Variants in ANO1 observed in about 807,000 individuals in gnomAD.
ANO1 encodes anoctamin-1.
In ANO1, 59 loss-of-function variants were observed where a neutral mutation model predicts 124.0. The observed-to-expected ratio is 0.48, with a 90% CI of 0.39 to 0.59. ANO1 has a LOEUF of 0.59. Ranked by LOEUF, ANO1 falls within the 20% of genes least tolerant of loss-of-function variation. ANO1 has a pLI of 0.00. For missense variants in ANO1, 1,059 were observed against 1,328.0 expected (o/e 0.80, Z 3.15); for synonymous variants, 529 against 532.0 (o/e 0.99, Z 0.08).
chr11:70,113,843 A>G (rs1230235885), intron 7 of ANO1, among the ~76,000 whole-genome samples: 1 of 152,130 alleles, frequency 6.6e-6, no homozygotes, highest in Non-Finnish European at 1.5e-5. Context: ...AGAAAGGCTT[A>G]GTAATTTGCC....
At position 70,187,779 on chromosome 11, in the gene ANO1, C is replaced by T. The variant is rs747605502; in HGVS notation, c.2736C>T (p.Ile912=). Reference sequence around the variant, plus strand: ...TGAGCGACTTTGTGGACTGGGTCATCCCGGACATCCCCAAGGACATCAGCC... The same window carrying T: ...TGAGCGACTTTGTGGACTGGGTCATTCCGGACATCCCCAAGGACATCAGCC... ...MFMSDFVDWV[I]PDIPKDISQQ... is the part of the protein sequence containing the mutation. The change falls in exon 26 of 26, where the codon ATC becomes ATT. Residue 912 remains isoleucine (I), a synonymous_variant. Transcript: ENST00000355303. The T allele has an allele frequency of 5.6e-6, 9 of 1,609,344 alleles. No homozygotes were observed. The Admixed American group carries it at 6.7e-5, about 12-fold the overall frequency.
At chr11:69,978,452 G>A in the ANO1 span, among the ~76,000 whole-genome samples, 4 of 152,212 alleles carry the variant, frequency 2.6e-5, no homozygotes, top group Non-Finnish European at 5.9e-5. Flanking sequence ...CAGGGCTCAG[G>A]TGATCCTCCT....
chr11:70,149,851 G>T (rs370815339), intron 12 of ANO1, 59 bp downstream of exon 12: 1 of 1,575,554 alleles, frequency 6.3e-7, no homozygotes, highest in Admixed American at 1.8e-5. Flanking sequence ...CCTACCCCAG[G>T]ACCTCCTTGG....
chr11:70,084,162 T>C (rs548508641), intron 1 of ANO1, among the ~76,000 whole-genome samples: 1 of 152,116 alleles, frequency 6.6e-6, no homozygotes, highest in African/African-American at 2.4e-5. Flanking sequence ...CTCAGGCAGG[T>C]GTGCCCTCCG....
chr11:69,997,515 A>G (rs7929300), intron 1 of ANO1, among the ~76,000 whole-genome samples: 130,951 of 152,100 alleles, frequency 0.86, 57,112 homozygotes, highest in East Asian at 0.98. Context: ...GGCTCAGGAA[A>G]AGCTCTCCCC....
intron 11 of ANO1, among the ~76,000 whole-genome samples, chr11:70,137,292 G>A (rs538016819): frequency 7.5e-5 from 11 of 145,816 alleles, no homozygotes; most frequent in African/African-American, 2.2e-4. Context: ...TGGCACAGCC[G>A]GGAACTGAAG....
intron 1 of ANO1, among the ~76,000 whole-genome samples, chr11:70,068,369 A>G (rs1208254154): frequency 4.6e-5 from 7 of 152,186 alleles, no homozygotes. Flanking sequence ...ACATTAGCTC[A>G]TTTGTTCATC....
chr11:70,080,979 G>A (rs541633976), intron 1 of ANO1, among the ~76,000 whole-genome samples: 2 of 152,300 alleles, frequency 1.3e-5, no homozygotes, highest in Non-Finnish European at 2.9e-5. Context: ...CAACGAAGGC[G>A]GCTCTGTACA....
chr11:70,012,835 C>T (rs190885303), intron 1 of ANO1, among the ~76,000 whole-genome samples: 6 of 152,342 alleles, frequency 3.9e-5, no homozygotes, highest in Admixed American at 1.3e-4. Context: ...TTCATCCACA[C>T]GTCCATCCAT....
intron 22 of ANO1, among the ~76,000 whole-genome samples, chr11:70,176,963 A>G (rs1246087254): frequency 6.6e-6 from 1 of 152,088 alleles, no homozygotes; most frequent in Non-Finnish European, 1.5e-5. Flanking sequence ...GCGGATGTGC[A>G]GGGCCACACG....
At chr11:70,162,983 C>T (rs1193320475) in intron 18 of ANO1, among the ~76,000 whole-genome samples, 8 of 152,254 alleles carry the variant, frequency 5.3e-5, no homozygotes, top group South Asian at 4.1e-4. Flanking sequence ...GTCTTCAGGC[C>T]GGGTGGTCTT....
the ANO1 span, among the ~76,000 whole-genome samples, chr11:69,978,116 G>A: frequency 2.0e-5 from 3 of 152,126 alleles, no homozygotes; most frequent in Non-Finnish European, 4.4e-5. Context: ...GGGACCCTGG[G>A]GACAAACGCT....
Position 70,095,295 on chromosome 11 carries a change from GGAAGGAAAGAAA to G in ANO1, c.441+7215_441+7226del, listed in dbSNP as rs1273451022. Among the ~76,000 whole-genome samples, 469 of 71,054 alleles carry G rather than the reference GGAAGGAAAGAAA, an allele frequency of 6.6e-3. 25 individuals are homozygous for G. Among genetic ancestry groups the G allele is most frequent in the African/African-American group, 0.016 (255 of 16,170 alleles). 46.6% of individuals were successfully genotyped at this position (71,054 alleles called of 152,430 possible). Reference sequence around the variant, plus strand: ...AGGAAGGAAGGAAGGAAGGAAGGAAGGAAGGAAAGAAAGAAAGAAAGAAAGGAAAGAAAGAAA... The same window carrying G: ...AGGAAGGAAGGAAGGAAGGAAGGAAGGAAAGAAAGAAAGGAAAGAAAGAAA... On this transcript the variant is annotated intron_variant, in intron 2 of 25. Transcript: ENST00000355303.
the ANO1 span, among the ~76,000 whole-genome samples, chr11:69,976,594 A>G: frequency 1.3e-5 from 2 of 148,930 alleles, no homozygotes; most frequent in African/African-American, 5.0e-5. Flanking sequence ...ACAGAGGAAT[A>G]GAGGAATGAT....
At chr11:70,078,814 C>CG in intron 1 of ANO1, 100 bp downstream of exon 1, 6 of 673,230 alleles carry the variant, frequency 8.9e-6, no homozygotes, top group Non-Finnish European at 1.2e-5. Context: ...GACCCCAGGG[C>CG]GGGGGCCGCA....
intron 19 of ANO1, 86 bp from the exon 20 acceptor site, chr11:70,165,384 A>G (rs375857907): frequency 2.6e-4 from 304 of 1,147,910 alleles, no homozygotes; most frequent in Non-Finnish European, 3.6e-4. Context: ...AGGTCAACCC[A>G]CAGCATGAGG....
chr11:69,987,293 G>C (rs782477051), intron 1 of ANO1, among the ~76,000 whole-genome samples: 23 of 152,182 alleles, frequency 1.5e-4, no homozygotes, highest in Non-Finnish European at 2.8e-4. Context: ...GAAATGATCC[G>C]TTCTGTGATC....
intron 1 of ANO1, chr11:70,085,621 C>G: frequency 6.5e-7 from 1 of 1,534,644 alleles, no homozygotes; most frequent in Non-Finnish European, 8.7e-7. Context: ...CAACTGTCCC[C>G]TAACCAGGGG....
intron 1 of ANO1, among the ~76,000 whole-genome samples, chr11:70,086,276 G>A (rs771751336): frequency 2.6e-5 from 4 of 152,120 alleles, no homozygotes; most frequent in East Asian, 1.9e-4. Flanking sequence ...ATTGCTGATC[G>A]ACCTGTCTGT....
Sources: allele counts gnomAD v4.1 joint callset (sites outside exome capture counted in the v4.1 genomes callset), GRCh38; gene constraint gnomAD v4.1.1; transcripts MANE v1.5; gene names NCBI Gene and HGNC (gene_info 2026-07-23, HGNC 2026-07-21).